The following ARHGEF3 variants were observed in gnomAD, a reference collection of about 807,000 sequenced individuals.
ARHGEF3 encodes the protein 59.8 kDA protein.
ARHGEF3 carries 28 observed loss-of-function variants against 63.2 expected under a neutral mutation model. The ratio of observed to expected loss-of-function variants is 0.44; its 90% CI spans 0.33 to 0.61. The LOEUF is 0.61. Among genes scored for constraint, ARHGEF3 ranks in the 20% least tolerant of loss-of-function variants. The pLI is 0.03. For missense variants in ARHGEF3, 533 were observed against 659.3 expected (o/e 0.81, Z 2.10); for synonymous variants, 266 against 254.2 (o/e 1.05, Z -0.44).
At chr3:56,866,008 GA>G (rs2040238324) in intron 4 of ARHGEF3, among the ~76,000 whole-genome samples, 1 of 150,240 alleles carries the variant, frequency 6.7e-6, no homozygotes, top group African/African-American at 2.5e-5. Context: ...AAAAAAAAAT[GA>G]AATAAATTAG....
At chr3:56,941,247 G>C (rs1483872693) in intron 3 of ARHGEF3, among the ~76,000 whole-genome samples, 1 of 152,212 alleles carries the variant, frequency 6.6e-6, no homozygotes, top group East Asian at 1.9e-4. Flanking sequence ...TCGCTCTGTC[G>C]CATAGGCTGG....
intron 1 of ARHGEF3, among the ~76,000 whole-genome samples, chr3:57,057,398 C>T (rs759489279): frequency 3.3e-5 from 5 of 152,162 alleles, no homozygotes; most frequent in South Asian, 2.1e-4. Context: ...TGTGAGCCAC[C>T]GCGCCCGTCC....
intron 2 of ARHGEF3, among the ~76,000 whole-genome samples, chr3:56,990,146 G>A (rs531899886): frequency 6.6e-6 from 1 of 152,318 alleles, no homozygotes; most frequent in East Asian, 1.9e-4. Flanking sequence ...CATATGCAAA[G>A]TGCATTAATC....
chr3:56,795,210 A>G (rs2037289339), intron 1 of ARHGEF3, among the ~76,000 whole-genome samples: 1 of 152,190 alleles, frequency 6.6e-6, no homozygotes, highest in African/African-American at 2.4e-5. Context: ...CCAACTGTAT[A>G]CAACCTGAAA....
At chr3:56,888,375 G>T (rs2040994110) in intron 3 of ARHGEF3, among the ~76,000 whole-genome samples, 1 of 152,124 alleles carries the variant, frequency 6.6e-6, no homozygotes, top group South Asian at 2.1e-4. Context: ...AGATGGAAAG[G>T]GAACATCCAG....
chr3:56,732,413 A>G lies in ARHGEF3; in HGVS notation c.1053T>C (p.Val351=). 6.2e-7 allele frequency: 1 copy of G among 1,614,230 alleles called. No individual in the cohort carries two copies. Among genetic ancestry groups the G allele is most frequent in the Non-Finnish European group, 8.5e-7 (1 of 1,180,044 alleles). The change falls in exon 9 of 10, where the codon GTT becomes GTC. Residue 351 remains valine (V), a synonymous_variant. Transcript: ENST00000296315. ...LKNNRGVKLH[V]FLFQEVLVIT... ...TCACAAGCACTTCTTGGAACAGGAA[A>G]ACATGCAGTTTCTAGAAGAAAAAAA...
chr3:56,736,376 T>C (rs2033627026), intron 8 of ARHGEF3, among the ~76,000 whole-genome samples: 1 of 152,146 alleles, frequency 6.6e-6, no homozygotes, highest in Non-Finnish European at 1.5e-5. Context: ...AGTATCTACA[T>C]GGGAATAAAA....
rs1253466694 is a variant in ARHGEF3, at chr3:56,822,839, G to T, written c.193-49023C>A. On this transcript the variant is annotated intron_variant, in intron 4 of 12. Transcript: ENST00000338458. The stretch of plus-strand genomic sequence containing the variant: ...ACTGCACTCCAGCCAGGGTGACAGA[G>T]TAAGACTCTGAAAAAAAAAAAAAAA... 1.0e-4 allele frequency among the ~76,000 whole-genome samples: 10 copies of T among 98,294 alleles called. No individual in the cohort carries two copies. The East Asian group carries it at 3.0e-3, about 29-fold the overall frequency. The allele number at this position is 98,294 out of a possible 152,430, so 64.5% of individuals were successfully genotyped here.
intron 4 of ARHGEF3, among the ~76,000 whole-genome samples, chr3:56,864,654 G>A (rs1441997007): frequency 2.6e-5 from 4 of 152,094 alleles, no homozygotes; most frequent in African/African-American, 9.7e-5. Context: ...GTGACTATAG[G>A]AGATGCTCAG....
intron 1 of ARHGEF3, among the ~76,000 whole-genome samples, chr3:57,035,993 A>C (rs896796306): frequency 6.6e-6 from 1 of 152,188 alleles, no homozygotes; most frequent in Non-Finnish European, 1.5e-5. Context: ...AGCTGGGAAT[A>C]TGATTACATG....
At chr3:57,030,235 G>A (rs569936723) in intron 2 of ARHGEF3, among the ~76,000 whole-genome samples, 5 of 152,210 alleles carry the variant, frequency 3.3e-5, no homozygotes, top group Admixed American at 1.3e-4. Flanking sequence ...GGCCTGGGCC[G>A]GATGTCAGGC....
chr3:56,858,550 G>A (rs139865255), intron 4 of ARHGEF3, among the ~76,000 whole-genome samples: 216 of 152,278 alleles, frequency 1.4e-3, no homozygotes, highest in African/African-American at 5.0e-3. Context: ...CTGGTGAGGG[G>A]AGGAAGACAG....
Position 56,965,103 on chromosome 3 carries a change from T to A in ARHGEF3, c.63-6214A>T, listed in dbSNP as rs1169298170. 1.3e-5 allele frequency among the ~76,000 whole-genome samples: 2 copies of A among 152,048 alleles called. 1 individual carries two copies. Among genetic ancestry groups the A allele is most frequent in the South Asian group, 4.2e-4 (2 of 4,818 alleles). Reference sequence around the variant, plus strand: ...CCAACTCTACAAAAAAAATTTTTTTTAATTAACCAGGCATGGTAGCATGAG... The same window carrying A: ...CCAACTCTACAAAAAAAATTTTTTTAAATTAACCAGGCATGGTAGCATGAG... On this transcript the variant is annotated intron_variant, in intron 2 of 12. Coordinates refer to the ARHGEF3 transcript ENST00000338458.
At chr3:56,792,113 A>AAAAAAGAAAAGAAAAG (rs55899473) in intron 1 of ARHGEF3, among the ~76,000 whole-genome samples, 8 of 139,980 alleles carry the variant, frequency 5.7e-5, no homozygotes, top group African/African-American at 2.1e-4. Flanking sequence ...CAAAAAAAAA[A>AAAAAAGAAAAGAAAAG]AAAAGAAAAG....
At chr3:56,919,145 C>A (rs1211734312) in intron 3 of ARHGEF3, among the ~76,000 whole-genome samples, 2 of 152,146 alleles carry the variant, frequency 1.3e-5, no homozygotes, top group Non-Finnish European at 2.9e-5. Context: ...AGGGGTTAAT[C>A]ATCCAGGGTG....
chr3:56,812,278 C>A (rs1473166460), intron 4 of ARHGEF3, among the ~76,000 whole-genome samples: 1 of 152,092 alleles, frequency 6.6e-6, no homozygotes, highest in Admixed American at 6.5e-5. Context: ...TTCAAATAGG[C>A]CCCTAATTTT....
At chr3:56,963,060 T>A (rs1421346621) in intron 2 of ARHGEF3, among the ~76,000 whole-genome samples, 2 of 151,972 alleles carry the variant, frequency 1.3e-5, no homozygotes, top group Non-Finnish European at 2.9e-5. Flanking sequence ...AAGAGCCAGC[T>A]TGGGGTTCTA....
intron 3 of ARHGEF3, among the ~76,000 whole-genome samples, chr3:56,913,804 A>C (rs2041916309): frequency 6.6e-6 from 1 of 152,236 alleles, no homozygotes; most frequent in African/African-American, 2.4e-5. Context: ...CCCAGAGGAA[A>C]AGAAGTCATT....
intron 1 of ARHGEF3, among the ~76,000 whole-genome samples, chr3:56,789,224 C>T (rs75722598): frequency 0.031 from 4,705 of 152,226 alleles, 108 homozygotes; most frequent in Non-Finnish European, 0.048. Flanking sequence ...TGGCCAAGTG[C>T]GGATTCAAAC....
Sources: allele counts gnomAD v4.1 joint callset (sites outside exome capture counted in the v4.1 genomes callset), GRCh38; gene constraint gnomAD v4.1.1; transcripts MANE v1.5; gene names NCBI Gene and HGNC (gene_info 2026-07-23, HGNC 2026-07-21).